UNC79: variants seen among roughly 807,000 people sequenced by gnomAD.
The protein encoded by UNC79 is protein unc-79 homolog.
In UNC79, 37 loss-of-function variants were observed where a neutral mutation model predicts 283.1. The ratio of observed to expected loss-of-function variants is 0.13; its 90% confidence interval spans 0.10 to 0.17. The LOEUF is 0.17. Ranked by LOEUF, UNC79 falls within the 10% of genes least tolerant of loss-of-function variation. UNC79 has a pLI of 1.00. For missense variants in UNC79, 2,272 were observed against 3,211.1 expected, an observed-to-expected ratio of 0.71 and a Z score of 7.07; for synonymous variants, 1,107 against 1,200.2, an observed-to-expected ratio of 0.92 and a Z score of 1.61.
At chr14:93,558,717 A>T (rs2062357649) in intron 14 of UNC79, among the ~76,000 whole-genome samples, 1 of 143,878 alleles carries the variant, frequency 7.0e-6, no homozygotes, top group Admixed American at 7.5e-5. Context: ...TTTTGCCTGC[A>T]TGCCAGGGTT....
chr14:93,561,621 T>G (rs1206235841), intron 14 of UNC79, among the ~76,000 whole-genome samples: 3 of 151,982 alleles, frequency 2.0e-5, no homozygotes, highest in African/African-American at 7.3e-5. Flanking sequence ...TGGAGATAGC[T>G]GGGGAGAGGT....
intron 48 of UNC79, 95 bp from the exon 52 acceptor site, chr14:93,706,609 G>A: frequency 7.0e-7 from 1 of 1,422,350 alleles, no homozygotes; most frequent in East Asian, 2.3e-5. Context: ...CTTGAGCCAA[G>A]CCTAAATTCT....
intron 46 of UNC79, among the ~76,000 whole-genome samples, chr14:93,692,541 T>C (rs1276203985): frequency 6.6e-6 from 1 of 152,146 alleles, no homozygotes; most frequent in Admixed American, 6.5e-5. Context: ...AATTGGGTAA[T>C]CTATTTGTGG....
chr14:93,348,146 T>TC, intron 1 of UNC79: 1 of 1,420,386 alleles, frequency 7.0e-7, no homozygotes, highest in Non-Finnish European at 9.9e-7. Flanking sequence ...GAACAGCTGT[T>TC]AACGTCCAAA....
intron 47 of UNC79, among the ~76,000 whole-genome samples, chr14:93,699,247 T>C (rs767019328): frequency 5.3e-5 from 8 of 152,214 alleles, no homozygotes; most frequent in Non-Finnish European, 1.0e-4. Context: ...ATTTCACATC[T>C]GTTCTTTGTC....
At chr14:93,499,040 AT>A (rs927235927) in intron 7 of UNC79, among the ~76,000 whole-genome samples, 11 of 152,190 alleles carry the variant, frequency 7.2e-5, no homozygotes, top group African/African-American at 2.4e-4. Context: ...CAGGTGTCTG[AT>A]TTACGTTCCC....
chr14:93,370,928 GA>G (rs1411043920), intron 1 of UNC79, among the ~76,000 whole-genome samples: 1 of 151,736 alleles, frequency 6.6e-6, no homozygotes, highest in Non-Finnish European at 1.5e-5. Context: ...ACTAGAGGGA[GA>G]AGATAGAAAA....
chr14:93,494,462 A>G (rs2058923502), intron 5 of UNC79, among the ~76,000 whole-genome samples: 1 of 152,216 alleles, frequency 6.6e-6, no homozygotes, highest in South Asian at 2.1e-4. Context: ...GATCTGTTTC[A>G]GACGTGTTGT....
intron 1 of UNC79, among the ~76,000 whole-genome samples, chr14:93,393,485 T>C (rs1208918135): frequency 6.6e-6 from 1 of 152,170 alleles, no homozygotes; most frequent in Non-Finnish European, 1.5e-5. Context: ...CCAAATGACA[T>C]AGGCTTATTT....
chr14:93,563,638 G>T (rs1450171146), intron 14 of UNC79, among the ~76,000 whole-genome samples: 2 of 152,168 alleles, frequency 1.3e-5, no homozygotes, highest in Non-Finnish European at 2.9e-5. Flanking sequence ...TTGCTGGTGA[G>T]TGGCGATTAG....
chr14:93,582,325 C>T (rs371728120), exon 20 of UNC79: 130 of 1,613,964 alleles, frequency 8.1e-5, no homozygotes, highest in Non-Finnish European at 1.0e-4. Flanking sequence ...GCAACTGCAC[C>T]GAGCCCGTGG....
chr14:93,665,205 T>C (rs2072048471), intron 40 of UNC79, among the ~76,000 whole-genome samples: 1 of 148,060 alleles, frequency 6.8e-6, no homozygotes. Context: ...TAAAATAATA[T>C]AATAGATTTA....
intron 14 of UNC79, among the ~76,000 whole-genome samples, chr14:93,568,270 C>G (rs1468863439): frequency 6.6e-6 from 1 of 152,118 alleles, no homozygotes; most frequent in Non-Finnish European, 1.5e-5. Flanking sequence ...AAAGAATGCT[C>G]TACTGGGGGA....
intron 7 of UNC79, among the ~76,000 whole-genome samples, chr14:93,507,012 A>G (rs1296614972): frequency 6.6e-6 from 1 of 152,222 alleles, no homozygotes; most frequent in East Asian, 1.9e-4. Flanking sequence ...CAAACATGAT[A>G]CATTTTTTCA....
At chr14:93,508,924 A>T (rs933672534) in intron 7 of UNC79, among the ~76,000 whole-genome samples, 1 of 152,198 alleles carries the variant, frequency 6.6e-6, no homozygotes, top group South Asian at 2.1e-4. Flanking sequence ...ATAAGAATGG[A>T]TATTGCGTTA....
intron 27 of UNC79, among the ~76,000 whole-genome samples, chr14:93,613,580 A>G (rs2066469212): frequency 6.6e-6 from 1 of 151,928 alleles, no homozygotes; most frequent in South Asian, 2.1e-4. Context: ...ATGCCCAGCT[A>G]ATTTTTTATA....
chr14:93,455,460 AGT>A (rs2056768836), intron 1 of UNC79, among the ~76,000 whole-genome samples: 1 of 151,990 alleles, frequency 6.6e-6, no homozygotes, highest in Non-Finnish European at 1.5e-5. Flanking sequence ...GCAGCAATAG[AGT>A]GTGTGTGTGC....
At chr14:93,337,819 G>T (rs1337937417) in intron 1 of UNC79, among the ~76,000 whole-genome samples, 1 of 152,168 alleles carries the variant, frequency 6.6e-6, no homozygotes, top group Non-Finnish European at 1.5e-5. Context: ...TTGGGGCTCT[G>T]TGGTTCCTGG....
chr14:93,365,078 A>C (rs1322979975), intron 1 of UNC79, among the ~76,000 whole-genome samples: 3 of 151,942 alleles, frequency 2.0e-5, no homozygotes, highest in South Asian at 2.1e-4. Context: ...ACAAAAAAAA[A>C]CCTTTTAATT....
Sources: gnomAD v4.1 joint callset for allele counts (sites outside exome capture counted in the v4.1 genomes callset) on GRCh38, gnomAD v4.1.1 for gene constraint, MANE v1.5 for transcripts, NCBI Gene and HGNC (gene_info 2026-07-23, HGNC 2026-07-21) for gene names.